LRRC9: variants seen among roughly 807,000 people sequenced by gnomAD.
LRRC9 encodes the protein leucine-rich repeat-containing protein 9.
Under a neutral mutation model 63.2 loss-of-function variants are expected in LRRC9, and 122 were observed. The ratio of observed to expected loss-of-function variants is 1.93; its 90% CI spans 1.67 to 2.24. The LOEUF (loss-of-function observed/expected upper bound fraction) is 2.24, where lower values mean the gene tolerates loss of function less well. Among genes scored for constraint, LRRC9 ranks in the 30% most tolerant of loss-of-function variants. The pLI, the probability that LRRC9 is intolerant of heterozygous loss-of-function variation, is 0.00. For missense variants in LRRC9, 1,071 were observed against 627.7 expected (o/e 1.71, Z -7.55); for synonymous variants, 366 against 213.1 (o/e 1.72, Z -6.25).
chr14:59,979,598 C>T (rs922394792), intron 15 of LRRC9, among the ~76,000 whole-genome samples: 1 of 151,872 alleles, frequency 6.6e-6, no homozygotes. Flanking sequence ...GGCGACAGAG[C>T]GAGACTCCGT....
At chr14:59,992,859 T>C (rs1373598267) in intron 17 of LRRC9, among the ~76,000 whole-genome samples, 1 of 152,168 alleles carries the variant, frequency 6.6e-6, no homozygotes, top group Non-Finnish European at 1.5e-5. Context: ...ACAGGGAGAA[T>C]GGAACCAAGT....
chr14:59,949,326 T>C (rs571029920), intron 8 of LRRC9, among the ~76,000 whole-genome samples: 1 of 152,254 alleles, frequency 6.6e-6, no homozygotes, highest in South Asian at 2.1e-4. Context: ...CTGATGGTAG[T>C]TTGTATTTCT....
rs1349971423 is a variant in LRRC9 at position 60,042,910 on chromosome 14, T to G, written c.3991-10155T>G. ...GTATTGTCATTTTAACAATATTAAT[T>G]ATTCCAATCCATGAGCATAGAATAA... On this transcript the variant is annotated intron_variant, in intron 29 of 31. Transcript: ENST00000445360. The surrounding 1 kb of genome is among the most constrained non-coding windows in gnomAD (Gnocchi z 4.2). Among the ~76,000 whole-genome samples, 3 of 152,228 alleles carry G rather than the reference T, an allele frequency of 2.0e-5. No individual in the cohort carries two copies. The highest frequency in any genetic ancestry group is 7.2e-5 in the African/African-American group (3 of 41,470).
chr14:59,971,660 A>G (rs1885520174), intron 12 of LRRC9, among the ~76,000 whole-genome samples: 2 of 151,944 alleles, frequency 1.3e-5, no homozygotes, highest in African/African-American at 4.8e-5. Flanking sequence ...TTCTTTCCTG[A>G]TTTCCATAAC....
intron 13 of LRRC9, among the ~76,000 whole-genome samples, chr14:59,976,569 T>C (rs1886309148): frequency 6.6e-6 from 1 of 152,212 alleles, no homozygotes; most frequent in Non-Finnish European, 1.5e-5. Flanking sequence ...TGAAAAAACC[T>C]TTTATTCTTT....
intron 27 of LRRC9, among the ~76,000 whole-genome samples, chr14:60,023,763 T>C (rs1037541909): frequency 6.6e-6 from 1 of 152,108 alleles, no homozygotes; most frequent in Non-Finnish European, 1.5e-5. Flanking sequence ...ATCATCTACA[T>C]TAGGTATTTC....
chr14:59,958,614 C>T lies in LRRC9; in HGVS notation c.883-1204C>T, dbSNP rs940534992. Among the ~76,000 whole-genome samples, 3 of 152,182 alleles carry T rather than the reference C, an allele frequency of 2.0e-5. No homozygotes were observed. The highest frequency in any genetic ancestry group is 2.9e-5 in the Non-Finnish European group (2 of 68,040). On this transcript the variant is annotated intron_variant, in intron 8 of 31. Coordinates refer to ENST00000445360, the Ensembl canonical transcript of LRRC9. The surrounding 1 kb of genome is among the most constrained non-coding windows in gnomAD (Gnocchi z 4.0). ...ACCACTTGGCTCCCTGGCTTCAGTC[C>T]GCTTTGCAGGGGAGTGAAAGGTTCT...
intron 10 of LRRC9, among the ~76,000 whole-genome samples, chr14:59,961,933 T>C (rs926827707): frequency 6.6e-6 from 1 of 152,204 alleles, no homozygotes; most frequent in Non-Finnish European, 1.5e-5. Flanking sequence ...AACTATAGAA[T>C]GGACTTGGCA....
chr14:60,033,092 G>T (rs1892125042), intron 29 of LRRC9, among the ~76,000 whole-genome samples: 1 of 151,862 alleles, frequency 6.6e-6, no homozygotes, highest in East Asian at 1.9e-4. Context: ...TGTTTTAATT[G>T]CTTTTTAAAA....
At chr14:59,946,760 G>A (rs1179758032) in intron 8 of LRRC9, among the ~76,000 whole-genome samples, 1 of 147,112 alleles carries the variant, frequency 6.8e-6, no homozygotes, top group Non-Finnish European at 1.5e-5. Context: ...TGCGGTGTTT[G>A]GTTTTTTCTT....
chr14:59,947,983 C>T lies in LRRC9; in HGVS notation c.882+3239C>T, dbSNP rs945451953. 3.9e-3 allele frequency among the ~76,000 whole-genome samples: 599 copies of T among 151,752 alleles called. 3 individuals are homozygous for T. Among genetic ancestry groups the T allele is most frequent in the Admixed American group, 6.6e-3 (100 of 15,224 alleles). On this transcript the variant is annotated intron_variant, in intron 8 of 31. Transcript: ENST00000445360. ...TTCTTTTGGCTTCAGATTGACTTGGCGATGCAGGCTCTTTTTTGGTTCCAT... is the reference window on the plus strand; with the variant it reads ...TTCTTTTGGCTTCAGATTGACTTGGTGATGCAGGCTCTTTTTTGGTTCCAT...
At chr14:60,062,065 C>A (rs79720034) in intron 31 of LRRC9, 1 of 398,716 alleles carries the variant, frequency 2.5e-6, no homozygotes, top group South Asian at 1.3e-4. Context: ...AGCATCCATG[C>A]AGAAATAGCT....
chr14:60,032,696 A>G (rs183428105), intron 29 of LRRC9, among the ~76,000 whole-genome samples: 3 of 152,322 alleles, frequency 2.0e-5, no homozygotes, highest in Non-Finnish European at 4.4e-5. Context: ...AAGTCAAAGG[A>G]GCATGTTATC....
chr14:59,970,469 A>C (rs1392054988), intron 12 of LRRC9, among the ~76,000 whole-genome samples: 1 of 152,166 alleles, frequency 6.6e-6, no homozygotes, highest in African/African-American at 2.4e-5. Flanking sequence ...GCTGGGTCAA[A>C]TGGTAGTTCT....
At chr14:59,989,933 T>TA (rs1467892529) in intron 17 of LRRC9, among the ~76,000 whole-genome samples, 1 of 151,608 alleles carries the variant, frequency 6.6e-6, no homozygotes. Flanking sequence ...CTTCCTTTTT[T>TA]TTTTTTTTTT....
chr14:60,044,415 T>A (rs1409172646), intron 29 of LRRC9, among the ~76,000 whole-genome samples: 1 of 152,198 alleles, frequency 6.6e-6, no homozygotes, highest in African/African-American at 2.4e-5. Context: ...TTCAACTTTT[T>A]TGACATAGGC....
rs761380178 is a variant in LRRC9, at chr14:60,042,446, A to G, written c.3990+10383A>G. On this transcript the variant is annotated intron_variant, in intron 29 of 31. Transcript: ENST00000445360. This position sits in a 1 kb window ranked among gnomAD's most constrained non-coding sequence, Gnocchi z 4.2. ...TTGTTTACCTATTCAAGCCTCAGCA[A>G]TGGCGGATGCCCCTCCCCTAGCCTC... is the stretch of plus-strand genomic sequence containing the variant. 6.6e-6 allele frequency among the ~76,000 whole-genome samples: 1 copy of G among 152,178 alleles called. No homozygotes were observed. Among genetic ancestry groups the G allele is most frequent in the South Asian group, 2.1e-4 (1 of 4,832 alleles).
At chr14:59,924,573 A>G (rs1402328261) in intron 1 of LRRC9, among the ~76,000 whole-genome samples, 1 of 152,126 alleles carries the variant, frequency 6.6e-6, no homozygotes, top group Admixed American at 6.5e-5. Flanking sequence ...CACTTACATT[A>G]TTACAACTGC....
rs760583614 is a variant in LRRC9, at chr14:60,006,412, C to A, written c.2858C>A (p.Thr953Asn). 3.0e-5 allele frequency: 21 copies of A among 690,678 alleles called. No individual in the cohort carries two copies. The South Asian group carries it at 3.2e-4, about 11-fold the overall frequency. The allele number at this position is 690,678 out of a possible 1,614,324, so 42.8% of individuals were successfully genotyped here. Residue 953 changes from threonine to asparagine, a missense_variant, in exon 22 of 32, where the codon ACT becomes AAT. Thr to Asn is a moderately conservative substitution (Grantham distance 65). Transcript: ENST00000445360. The stretch of plus-strand genomic sequence containing the variant: ...ATTTTTCTAGGTATTTCCAAGATGA[C>A]TAAATTAACTCGCCTCAGCATAAAT...
Sources: allele counts gnomAD v4.1 joint callset (sites outside exome capture counted in the v4.1 genomes callset), GRCh38; gene constraint gnomAD v4.1.1; non-coding constraint Gnocchi (gnomAD v3.1); transcripts MANE v1.5; gene names NCBI Gene and HGNC (gene_info 2026-07-23, HGNC 2026-07-21).